TMEM108: variants seen among roughly 807,000 people sequenced by gnomAD.
The protein encoded by TMEM108 is cancer/testis antigen 124.
A neutral mutation model predicts 35.1 loss-of-function variants in TMEM108; 12 were observed. The ratio of observed to expected loss-of-function variants is 0.34; its 90% confidence interval spans 0.22 to 0.55. The LOEUF (loss-of-function observed/expected upper bound fraction) is 0.55, where lower values mean the gene tolerates loss of function less well. Among genes scored for constraint, TMEM108 ranks in the 20% least tolerant of loss-of-function variants. TMEM108 has a pLI of 0.89. For synonymous variants in TMEM108, 287 were observed against 308.6 expected (o/e 0.93, Z 0.73); for missense variants, 680 against 753.3 (o/e 0.90, Z 1.14).
intron 3 of TMEM108, among the ~76,000 whole-genome samples, chr3:133,300,121 A>G (rs1279136723): frequency 4.6e-5 from 7 of 152,172 alleles, no homozygotes; most frequent in Admixed American, 4.6e-4. Flanking sequence ...TCATTTATCA[A>G]GCATTGAAAG....
At chr3:133,332,098 A>G (rs1011153325) in intron 3 of TMEM108, among the ~76,000 whole-genome samples, 2 of 152,158 alleles carry the variant, frequency 1.3e-5, no homozygotes, top group Non-Finnish European at 2.9e-5. Context: ...ACACACACAC[A>G]CACACACACA....
rs142393308 is a variant in TMEM108 at position 133,332,189 on chromosome 3, C to T, written c.41-47563C>T. Among the ~76,000 whole-genome samples the T allele has an allele frequency of 1.8e-3, 277 of 152,214 alleles. 2 individuals are homozygous for T. The highest frequency in any genetic ancestry group is 6.4e-3 in the African/African-American group (264 of 41,534). ...TTAGCCAAGAGGACAAAAATATCAT[C>T]TGAAGTCTTATAGGGGAGGGGTGCA... On this transcript the variant is annotated intron_variant, in intron 3 of 5. Transcript: ENST00000321871.
intron 3 of TMEM108, among the ~76,000 whole-genome samples, chr3:133,321,113 A>G (rs946380135): frequency 6.6e-6 from 1 of 152,206 alleles, no homozygotes; most frequent in Admixed American, 6.5e-5. Context: ...TAACACAAAA[A>G]AACAAGGCAT....
intron 3 of TMEM108, among the ~76,000 whole-genome samples, chr3:133,293,605 A>C (rs1403898681): frequency 6.6e-6 from 1 of 151,978 alleles, no homozygotes; most frequent in African/African-American, 2.4e-5. Context: ...TTCAAGCATA[A>C]CTAGGACCCT....
chr3:133,311,056 T>A (rs1413707473), intron 3 of TMEM108, among the ~76,000 whole-genome samples: 1 of 152,224 alleles, frequency 6.6e-6, no homozygotes, highest in African/African-American at 2.4e-5. Flanking sequence ...TGACCCCCAC[T>A]CTCTTCTGGC....
Position 133,379,847 on chromosome 3 carries a change from C to T in TMEM108, c.136C>T (p.Pro46Ser), listed in dbSNP as rs780460288. The T allele has an allele frequency of 5.6e-6, 9 of 1,613,898 alleles. No individual in the cohort carries two copies. Among genetic ancestry groups the T allele is most frequent in the African/African-American group, 1.3e-5 (1 of 74,866 alleles). ...ESLQVLPSGT[P>S]PGTMVTAPHS... ...TCTTCAGGTCCTCCCTTCAGGCACTCCCCCGGGAACCATGGTGACAGCACC... is the reference window on the plus strand; with the variant it reads ...TCTTCAGGTCCTCCCTTCAGGCACTTCCCCGGGAACCATGGTGACAGCACC... The change falls in exon 4 of 6, where the codon CCC becomes TCC. Residue 46 changes from proline to serine, a missense_variant. Transcript: ENST00000321871.
chr3:133,383,499 C>T (rs1225934498), intron 4 of TMEM108, among the ~76,000 whole-genome samples: 2 of 152,180 alleles, frequency 1.3e-5, no homozygotes, highest in Non-Finnish European at 2.9e-5. Flanking sequence ...ATATGGGCCT[C>T]CCTCTTTGAG....
intron 3 of TMEM108, among the ~76,000 whole-genome samples, chr3:133,364,889 G>T (rs115194015): frequency 3.7e-4 from 57 of 152,234 alleles, no homozygotes; most frequent in African/African-American, 1.1e-3. Flanking sequence ...GATCAGGCAG[G>T]GGGGGAAGTT....
intron 3 of TMEM108, among the ~76,000 whole-genome samples, chr3:133,339,061 A>G (rs1261450964): frequency 6.6e-6 from 1 of 151,994 alleles, no homozygotes; most frequent in Non-Finnish European, 1.5e-5. Flanking sequence ...GAAGACCACA[A>G]AACAACCAGG....
intron 3 of TMEM108, among the ~76,000 whole-genome samples, chr3:133,364,612 C>T (rs1293968654): frequency 1.3e-5 from 2 of 152,134 alleles, no homozygotes; most frequent in Non-Finnish European, 2.9e-5. Flanking sequence ...TGACCAGAAC[C>T]TGGAAGGAGT....
intron 2 of TMEM108, among the ~76,000 whole-genome samples, chr3:133,101,795 A>T (rs922946544): frequency 6.6e-6 from 1 of 152,158 alleles, no homozygotes; most frequent in African/African-American, 2.4e-5. Context: ...ATTGAAATCT[A>T]CTCATTGGAA....
intron 2 of TMEM108, among the ~76,000 whole-genome samples, chr3:133,210,526 C>G (rs1945820738): frequency 1.3e-5 from 2 of 152,132 alleles, no homozygotes; most frequent in Admixed American, 1.3e-4. Flanking sequence ...GAAGTAGATT[C>G]TGGCCATCAG....
At chr3:133,356,022 G>T (rs761896449) in intron 3 of TMEM108, among the ~76,000 whole-genome samples, 1 of 152,046 alleles carries the variant, frequency 6.6e-6, no homozygotes, top group Non-Finnish European at 1.5e-5. Context: ...TTGGAAAACA[G>T]GAAATCAAAC....
At chr3:133,388,775 A>G in intron 4 of TMEM108, 1 of 985,448 alleles carries the variant, frequency 1.0e-6, no homozygotes, top group Non-Finnish European at 1.2e-6. Flanking sequence ...GGCAGCCTAC[A>G]GGGCCCTGGG....
intron 2 of TMEM108, among the ~76,000 whole-genome samples, chr3:133,211,336 T>A (rs1216664343): frequency 2.0e-5 from 3 of 152,198 alleles, no homozygotes; most frequent in East Asian, 3.8e-4. Flanking sequence ...CACATAATTT[T>A]TAGGTCCCTG....
At chr3:133,313,656 A>G (rs1402598201) in intron 3 of TMEM108, among the ~76,000 whole-genome samples, 2 of 152,084 alleles carry the variant, frequency 1.3e-5, no homozygotes, top group African/African-American at 4.8e-5. Context: ...GACACATGCA[A>G]TGTCCATCTG....
intron 3 of TMEM108, among the ~76,000 whole-genome samples, chr3:133,278,425 G>T (rs538948581): frequency 1.3e-5 from 2 of 152,286 alleles, no homozygotes; most frequent in South Asian, 4.1e-4. Flanking sequence ...TTCACAACAG[G>T]ATATGTTCTG....
chr3:133,272,840 T>C (rs1397367686), intron 3 of TMEM108, among the ~76,000 whole-genome samples: 2 of 152,136 alleles, frequency 1.3e-5, no homozygotes, highest in African/African-American at 2.4e-5. Flanking sequence ...GGGACCATTT[T>C]TGGCTGTCAC....
Position 133,145,531 on chromosome 3 carries a change from A to G in TMEM108, c.-46-83735A>G, listed in dbSNP as rs565990211. ...TCAATGGAAGCTTGATGGGGATAGC[A>G]TTGAATCTATAAATTACTTTGGGCA... On this transcript the variant is annotated intron_variant, in intron 2 of 5. Transcript: ENST00000321871. 7.2e-5 allele frequency among the ~76,000 whole-genome samples: 11 copies of G among 152,282 alleles called. No homozygotes were observed. In the South Asian group the frequency reaches 2.3e-3, roughly 32 times the overall value.
Sources: gnomAD v4.1 joint callset for allele counts (sites outside exome capture counted in the v4.1 genomes callset) on GRCh38, gnomAD v4.1.1 for gene constraint, MANE v1.5 for transcripts, NCBI Gene and HGNC (gene_info 2026-07-23, HGNC 2026-07-21) for gene names.